The following GATAD2A variants were observed in gnomAD, a reference collection of about 807,000 sequenced individuals.
GATAD2A encodes GATA zinc finger domain containing 2A.
A neutral mutation model predicts 68.5 loss-of-function variants in GATAD2A; 12 were observed. That is an observed-to-expected ratio of 0.18 (90% CI 0.11 to 0.28). The LOEUF is 0.28. GATAD2A is among the 10% of genes least tolerant of loss of function. The probability of loss-of-function intolerance (pLI) is 1.00; values close to 1 mark genes in which losing one functional copy is unlikely to be tolerated. For synonymous variants in GATAD2A, 410 were observed against 375.3 expected, an observed-to-expected ratio of 1.09 and a Z score of -1.07; for missense variants, 755 against 868.5, an observed-to-expected ratio of 0.87 and a Z score of 1.64.
At chr19:19,478,727 C>G (rs1386289858) in intron 2 of GATAD2A, among the ~76,000 whole-genome samples, 2 of 151,552 alleles carry the variant, frequency 1.3e-5, no homozygotes, top group Admixed American at 1.3e-4. Flanking sequence ...GGAGAATCAC[C>G]TGGGCCTGGG....
Position 19,492,355 on chromosome 19 carries a change from T to C in GATAD2A, c.319T>C (p.Ser107Pro). 6.2e-7 allele frequency: 1 copy of C among 1,611,568 alleles called. No homozygotes were observed. The highest frequency in any genetic ancestry group is 8.5e-7 in the Non-Finnish European group (1 of 1,178,804). Residue 107 changes from serine (S) to proline (P), a missense_variant, in exon 3 of 12, where the codon TCC becomes CCC. Transcript: ENST00000683918. ...CCCCTCACCTGACGTGATTGTGCTC[T>C]CCGACAACGAGCAGCCCTCGAGCCC... is the stretch of plus-strand genomic sequence containing the variant. ...RPPSPDVIVL[S>P]DNEQPSSPRV...
chr19:19,456,602 G>C (rs1043895026), intron 1 of GATAD2A, among the ~76,000 whole-genome samples: 1 of 152,146 alleles, frequency 6.6e-6, no homozygotes, highest in African/African-American at 2.4e-5. Context: ...TTTGCATCCC[G>C]CAGTGTTTTT....
chr19:19,498,385 G>A, intron 7 of GATAD2A, 58 bp from the exon 8 acceptor site: 1 of 1,528,866 alleles, frequency 6.5e-7, no homozygotes, highest in South Asian at 1.2e-5. Context: ...GGGGCGCTGG[G>A]GAGCCTTCCT....
chr19:19,485,614 C>T (rs1325623524), intron 2 of GATAD2A, among the ~76,000 whole-genome samples: 1 of 152,206 alleles, frequency 6.6e-6, no homozygotes, highest in African/African-American at 2.4e-5. Flanking sequence ...GCTTCTGTGA[C>T]CTCACCTGAA....
At chr19:19,416,687 GA>G (rs753632937) in intron 1 of GATAD2A, among the ~76,000 whole-genome samples, 3 of 152,076 alleles carry the variant, frequency 2.0e-5, no homozygotes, top group East Asian at 3.9e-4. Context: ...AAATTGCTTG[GA>G]AAAATTGGAG....
At chr19:19,453,897 C>G (rs1181481535) in intron 1 of GATAD2A, among the ~76,000 whole-genome samples, 1 of 151,706 alleles carries the variant, frequency 6.6e-6, no homozygotes, top group East Asian at 1.9e-4. Flanking sequence ...CTCCTGGCCT[C>G]GTGATCCACC....
At chr19:19,418,439 C>G (rs2051920813) in intron 1 of GATAD2A, among the ~76,000 whole-genome samples, 1 of 152,194 alleles carries the variant, frequency 6.6e-6, no homozygotes, top group African/African-American at 2.4e-5. Flanking sequence ...CTGCTCTGTT[C>G]CTATGAATGA....
intron 2 of GATAD2A, among the ~76,000 whole-genome samples, chr19:19,480,476 A>G (rs532884734): frequency 1.3e-5 from 2 of 152,328 alleles, no homozygotes; most frequent in African/African-American, 2.4e-5. Flanking sequence ...GGTGTTTTTC[A>G]TGAAGCACCA....
At chr19:19,502,613 G>C (rs552844577) in intron 11 of GATAD2A, 87 bp downstream of exon 11, 1 of 1,079,484 alleles carries the variant, frequency 9.3e-7, no homozygotes, top group African/African-American at 1.6e-5. Flanking sequence ...CATGTGCAGC[G>C]GGTGAACCCC....
chr19:19,420,286 G>A (rs551025086), intron 1 of GATAD2A, among the ~76,000 whole-genome samples: 2 of 139,594 alleles, frequency 1.4e-5, no homozygotes, highest in East Asian at 4.4e-4. Context: ...GCCTCCCAAA[G>A]TGCTGGGATT....
intron 1 of GATAD2A, among the ~76,000 whole-genome samples, chr19:19,388,593 A>G (rs1265635528): frequency 6.6e-6 from 1 of 151,768 alleles, no homozygotes; most frequent in Non-Finnish European, 1.5e-5. Flanking sequence ...CTACTAGATG[A>G]CCACCTTAGT....
intron 1 of GATAD2A, among the ~76,000 whole-genome samples, chr19:19,389,238 C>T (rs2048675316): frequency 6.6e-6 from 1 of 152,082 alleles, no homozygotes. Flanking sequence ...AACTTGTAAC[C>T]ACTTCGTGTC....
Position 19,492,374 on chromosome 19 carries a change from C to G in GATAD2A, c.338C>G (p.Ser113Trp), listed in dbSNP as rs775354795. The G allele has an allele frequency of 6.2e-7, 1 of 1,613,076 alleles. No homozygotes were observed. The highest frequency in any genetic ancestry group is 8.5e-7 in the Non-Finnish European group (1 of 1,179,480). ...GTGCTCTCCGACAACGAGCAGCCCT[C>G]GAGCCCGAGAGTGAATGGGCTGACC... ...VIVLSDNEQP[S>W]SPRVNGLTTV... Residue 113 changes from serine to tryptophan, a missense_variant, in exon 3 of 12, where the codon TCG becomes TGG. Ser to Trp is a radical substitution (Grantham distance 177). Transcript: ENST00000683918.
chr19:19,409,011 T>A (rs1329674101), intron 1 of GATAD2A, among the ~76,000 whole-genome samples: 2 of 139,592 alleles, frequency 1.4e-5, no homozygotes, highest in Non-Finnish European at 3.1e-5. Flanking sequence ...CTTGAAATGT[T>A]GGCTTTTTTT....
At chr19:19,440,054 G>A in intron 1 of GATAD2A, 1 of 281,912 alleles carries the variant, frequency 3.5e-6, no homozygotes, top group Non-Finnish European at 7.1e-6. Flanking sequence ...ACTTGTGGTG[G>A]TGGCTCTGCC....
At chr19:19,435,044 C>T (rs754301328) in intron 1 of GATAD2A, 10 of 522,036 alleles carry the variant, frequency 1.9e-5, no homozygotes, top group Admixed American at 7.9e-5. Flanking sequence ...ATGAGCCCTG[C>T]GTGCTGCCTG....
intron 1 of GATAD2A, among the ~76,000 whole-genome samples, chr19:19,399,561 A>G (rs2049544611): frequency 6.6e-6 from 1 of 152,148 alleles, no homozygotes; most frequent in Admixed American, 6.6e-5. Flanking sequence ...TCTCTATTGA[A>G]GGTTACCTTT....
At position 19,496,193 on chromosome 19, in the gene GATAD2A, A is replaced by G. The variant is rs759934826; in HGVS notation, c.898A>G (p.Thr300Ala). The change falls in exon 7 of 12, where the codon ACC becomes GCC. Residue 300 changes from threonine to alanine, a missense_variant. Thr to Ala is a moderately conservative substitution (Grantham distance 58, BLOSUM62 0). Coordinates refer to ENST00000683918, the MANE Select transcript of GATAD2A (RefSeq NM_001384528.1). ...GLIRVANVPN[T>A]SLLVNIPQPT... ...CATCCGCGTCGCCAATGTTCCCAAC[A>G]CCAGCCTGCTCGTCAACATCCCACA... The G allele has an allele frequency of 6.2e-7, 1 of 1,613,804 alleles. No individual in the cohort carries two copies. The highest frequency in any genetic ancestry group is 1.1e-5 in the South Asian group (1 of 91,084).
At chr19:19,468,098 ACAATCT>A (rs2058014747) in intron 2 of GATAD2A, among the ~76,000 whole-genome samples, 1 of 152,268 alleles carries the variant, frequency 6.6e-6, no homozygotes, top group South Asian at 2.1e-4. Context: ...GGGGCATACA[ACAATCT>A]GAGAAGTATT....
Sources: allele counts gnomAD v4.1 joint callset (sites outside exome capture counted in the v4.1 genomes callset), GRCh38; gene constraint gnomAD v4.1.1; transcripts MANE v1.5; gene names NCBI Gene and HGNC (gene_info 2026-07-23, HGNC 2026-07-21).